ESRRB: variants seen among roughly 807,000 people sequenced by gnomAD.
ESRRB encodes steroid hormone receptor ERR2.
In ESRRB, 16 loss-of-function variants were observed where a neutral mutation model predicts 46.0. The ratio of observed to expected loss-of-function variants is 0.35; its 90% CI spans 0.24 to 0.53. ESRRB has a LOEUF of 0.53. Ranked by LOEUF, ESRRB falls within the 20% of genes least tolerant of loss-of-function variation. ESRRB has a pLI of 0.93. For synonymous variants in ESRRB, 246 were observed against 259.6 expected (o/e 0.95, Z 0.50); for missense variants, 488 against 607.4 (o/e 0.80, Z 2.07).
chr14:76,415,055 T>A (rs1886639045), intron 1 of ESRRB, among the ~76,000 whole-genome samples: 1 of 152,208 alleles, frequency 6.6e-6, no homozygotes, highest in Admixed American at 6.5e-5. Context: ...GGGCCAGCAC[T>A]TCTCAGGGTG....
rs1041298591 is a variant in ESRRB, at chr14:76,355,331, G to A, written c.2+44415G>A. ...AAGGACCCTGGCAGACTTTTACCAC[G>A]CCCTTCTCCCTTTCACCACTCATGT... On this transcript the variant is annotated intron_variant, in intron 1 of 6. Coordinates refer to the ESRRB transcript ENST00000512784. 5.9e-5 allele frequency among the ~76,000 whole-genome samples: 9 copies of A among 152,068 alleles called. No individual in the cohort carries two copies. The East Asian group carries it at 1.2e-3, about 20-fold the overall frequency.
At chr14:76,493,440 C>A (rs1890305017) in intron 6 of ESRRB, among the ~76,000 whole-genome samples, 1 of 152,188 alleles carries the variant, frequency 6.6e-6, no homozygotes, top group Non-Finnish European at 1.5e-5. Context: ...CAGGTGTGAG[C>A]CACCACGCCC....
intron 1 of ESRRB, among the ~76,000 whole-genome samples, chr14:76,347,987 G>T (rs1447518889): frequency 2.0e-5 from 3 of 152,142 alleles, no homozygotes; most frequent in Non-Finnish European, 2.9e-5. Context: ...TCATAAGAAT[G>T]ACATCTGAGT....
chr14:76,368,486 T>A (rs1302137689), upstream of ESRRB, among the ~76,000 whole-genome samples: 1 of 152,182 alleles, frequency 6.6e-6, no homozygotes, highest in Non-Finnish European at 1.5e-5. Flanking sequence ...ATCACTGCTC[T>A]CCAACCAGCG....
chr14:76,459,185 G>T (rs118075789), intron 2 of ESRRB, among the ~76,000 whole-genome samples: 1,607 of 152,260 alleles, frequency 0.011, 15 homozygotes, highest in Non-Finnish European at 0.015. Context: ...TACCTCCGGG[G>T]TTGCTGGGAA....
chr14:76,365,031 TG>T (rs574210228), intron 1 of ESRRB, among the ~76,000 whole-genome samples: 82 of 152,398 alleles, frequency 5.4e-4, no homozygotes, highest in Non-Finnish European at 9.6e-4. Context: ...CATTGAAATT[TG>T]TTATGTATGA....
chr14:76,440,549 C>CTTCCTTCA (rs1159477289), intron 2 of ESRRB, among the ~76,000 whole-genome samples: 1 of 151,540 alleles, frequency 6.6e-6, no homozygotes, highest in Non-Finnish European at 1.5e-5. Flanking sequence ...TAAGACCGAC[C>CTTCCTTCA]TTCCTTCATT....
At chr14:76,455,499 G>T (rs2139973275) in intron 2 of ESRRB, among the ~76,000 whole-genome samples, 1 of 152,030 alleles carries the variant, frequency 6.6e-6, no homozygotes, top group South Asian at 2.1e-4. Flanking sequence ...TTTCTATTTT[G>T]CCTGTTGCCA....
At chr14:76,497,323 A>G (rs996163776) in intron 6 of ESRRB, among the ~76,000 whole-genome samples, 1 of 152,020 alleles carries the variant, frequency 6.6e-6, no homozygotes, top group African/African-American at 2.4e-5. Flanking sequence ...CAGGAATAAC[A>G]CTACCTGACA....
chr14:76,448,348 G>A (rs1308513243), intron 2 of ESRRB, among the ~76,000 whole-genome samples: 1 of 131,454 alleles, frequency 7.6e-6, no homozygotes, highest in Non-Finnish European at 1.6e-5. Context: ...TTTTTTTTGA[G>A]ACCGAGTCTC....
At chr14:76,327,723 CAG>C (rs1471370662) in intron 1 of ESRRB, among the ~76,000 whole-genome samples, 2 of 152,076 alleles carry the variant, frequency 1.3e-5, no homozygotes, top group African/African-American at 4.8e-5. Flanking sequence ...GTTGCTGAGA[CAG>C]AGTCTCACTC....
At chr14:76,379,371 C>T (rs1001410882) in intron 1 of ESRRB, among the ~76,000 whole-genome samples, 1 of 149,968 alleles carries the variant, frequency 6.7e-6, no homozygotes, top group Non-Finnish European at 1.5e-5. Context: ...GTCCGATGAC[C>T]ACTTTGCTGT....
intron 1 of ESRRB, among the ~76,000 whole-genome samples, chr14:76,425,536 C>G (rs1470283654): frequency 6.6e-6 from 1 of 151,918 alleles, no homozygotes; most frequent in Non-Finnish European, 1.5e-5. Flanking sequence ...TCCCCCTCCT[C>G]CTCCCTTCCA....
intron 3 of ESRRB, among the ~76,000 whole-genome samples, chr14:76,467,937 C>G (rs887038045): frequency 6.6e-5 from 10 of 152,192 alleles, no homozygotes; most frequent in African/African-American, 9.6e-5. Flanking sequence ...CAGCCCCTGC[C>G]TGCCTTTCCC....
intron 2 of ESRRB, among the ~76,000 whole-genome samples, chr14:76,458,283 T>G (rs1057504242): frequency 3.9e-5 from 6 of 152,114 alleles, no homozygotes; most frequent in African/African-American, 1.4e-4. Flanking sequence ...TCTGATGAAT[T>G]AATCTCATCA....
intron 1 of ESRRB, among the ~76,000 whole-genome samples, chr14:76,360,027 A>G (rs916347791): frequency 6.6e-6 from 1 of 152,142 alleles, no homozygotes; most frequent in Non-Finnish European, 1.5e-5. Flanking sequence ...AGAAAAAGAA[A>G]AGAAATAAGG....
intron 1 of ESRRB, among the ~76,000 whole-genome samples, chr14:76,398,597 G>T (rs1406085781): frequency 3.3e-5 from 5 of 152,162 alleles, no homozygotes; most frequent in African/African-American, 1.2e-4. Context: ...GGCTGTGGGG[G>T]AAGGGGTCAG....
At chr14:76,475,018 C>G (rs1889521467) in intron 3 of ESRRB, among the ~76,000 whole-genome samples, 1 of 151,896 alleles carries the variant, frequency 6.6e-6, no homozygotes, top group South Asian at 2.1e-4. Context: ...CGCTTGAGGT[C>G]AGGAGTTCGA....
chr14:76,414,538 C>T (rs1274372282), intron 1 of ESRRB, among the ~76,000 whole-genome samples: 1 of 151,618 alleles, frequency 6.6e-6, no homozygotes, highest in Non-Finnish European at 1.5e-5. Context: ...CAGTCTCTGC[C>T]TCTTTACTTT....
Sources: gnomAD v4.1 joint callset for allele counts (sites outside exome capture counted in the v4.1 genomes callset) on GRCh38, gnomAD v4.1.1 for gene constraint, MANE v1.5 for transcripts, NCBI Gene and HGNC (gene_info 2026-07-23, HGNC 2026-07-21) for gene names.